The following BLACAT1 variants were observed in gnomAD, a reference collection of about 807,000 sequenced individuals.
BLACAT1 encodes the protein BLACAT1 overlapping LEMD1 locus.
At chr1:205,449,584 G>A (rs904925540) in intron 1 of BLACAT1, among the ~76,000 whole-genome samples, 2 of 152,008 alleles carry the variant, frequency 1.3e-5, no homozygotes, top group Non-Finnish European at 2.9e-5. Flanking sequence ...GCACAGCACA[G>A]CACAGCACAC....
chr1:205,452,787 G>A lies in BLACAT1; in HGVS notation c.-37+3130C>T, dbSNP rs573164395. 7.4e-4 allele frequency among the ~76,000 whole-genome samples: 112 copies of A among 152,270 alleles called. 3 individuals are homozygous for A. The South Asian group carries it at 0.021, about 29-fold the overall frequency. ...GACATTAGGAAGATACTAAATAAAA[G>A]CCACTTGCTTTTACCACCCCACATA... On this transcript the variant is annotated intron_variant, in intron 1 of 1. Transcript: ENST00000629624.
chr1:205,445,908 T>A (rs543695974), intron 1 of BLACAT1, among the ~76,000 whole-genome samples: 2 of 152,276 alleles, frequency 1.3e-5, no homozygotes, highest in East Asian at 3.9e-4. Context: ...GAGTAGGGCT[T>A]AGTAGTCAAA....
chr1:205,438,897 G>A (rs995384008), downstream of BLACAT1, among the ~76,000 whole-genome samples: 4 of 152,160 alleles, frequency 2.6e-5, no homozygotes, highest in African/African-American at 4.8e-5. Context: ...CCTGAGAGGC[G>A]CACAAGGGGA....
At chr1:205,436,896 T>A (rs1284822299), downstream of BLACAT1, 1 of 152,282 alleles carries the variant, frequency 6.6e-6, no homozygotes, top group Non-Finnish European at 1.5e-5. Flanking sequence ...ATCTGATAAG[T>A]GTGCCCTTTA....
chr1:205,444,890 G>A (rs1454804331), intron 1 of BLACAT1, among the ~76,000 whole-genome samples: 4 of 101,406 alleles, frequency 3.9e-5, no homozygotes, highest in East Asian at 2.4e-4. Context: ...TTAACTCCCC[G>A]CCACCCCCCA....
chr1:205,444,491 A>AC (rs1355343543), intron 1 of BLACAT1, among the ~76,000 whole-genome samples: 5 of 148,858 alleles, frequency 3.4e-5, no homozygotes, highest in Non-Finnish European at 7.4e-5. Flanking sequence ...CCTTGGCCTG[A>AC]CCCCCACATC....
intron 1 of BLACAT1, among the ~76,000 whole-genome samples, chr1:205,452,886 T>C (rs988459073): frequency 6.6e-6 from 1 of 152,228 alleles, no homozygotes; most frequent in African/African-American, 2.4e-5. Context: ...GGTATAGGTA[T>C]ACATTCAATG....
chr1:205,452,005 G>A (rs901004696), intron 1 of BLACAT1, among the ~76,000 whole-genome samples: 2 of 152,152 alleles, frequency 1.3e-5, no homozygotes, highest in African/African-American at 4.8e-5. Context: ...AGCACAGGCA[G>A]AACCGGAGGC....
At position 205,441,962 on chromosome 1, in the gene BLACAT1, C is replaced by T. The variant is rs2102466131; in HGVS notation, c.-36-900G>A. Among the ~76,000 whole-genome samples, 1 of 152,322 alleles carries T rather than the reference C, an allele frequency of 6.6e-6. No homozygotes were observed. Among genetic ancestry groups the T allele is most frequent in the East Asian group, 1.9e-4 (1 of 5,168 alleles). ...AAGAGAGGGAGCTTCAGGAGCTCAG[C>T]TTCAGTCTGCAAGAGTATCCCTTTC... On this transcript the variant is annotated intron_variant, in intron 1 of 1. Coordinates refer to ENST00000629624, the Ensembl canonical transcript of BLACAT1. This position sits in a 1 kb window ranked among gnomAD's most constrained non-coding sequence, Gnocchi z 4.3.
At chr1:205,435,072 C>A (rs915963725), downstream of BLACAT1, 5 of 152,148 alleles carry the variant, frequency 3.3e-5, no homozygotes, top group African/African-American at 9.7e-5. Flanking sequence ...TAACCATCCA[C>A]GAGTCAGTTC....
chr1:205,442,806 C>A (rs1323229795), intron 1 of BLACAT1, among the ~76,000 whole-genome samples: 1 of 152,178 alleles, frequency 6.6e-6, no homozygotes, highest in Non-Finnish European at 1.5e-5. Context: ...GATCTATCCC[C>A]TGCAGCTATC....
intron 1 of BLACAT1, among the ~76,000 whole-genome samples, chr1:205,445,294 A>C (rs1312075271): frequency 3.3e-5 from 5 of 152,158 alleles, no homozygotes; most frequent in African/African-American, 1.2e-4. Context: ...GACCGTGTTG[A>C]TAAACAGGCA....
intron 1 of BLACAT1, among the ~76,000 whole-genome samples, chr1:205,455,537 G>A (rs1453299086): frequency 6.6e-6 from 1 of 152,186 alleles, no homozygotes. Context: ...GGGGTATAAA[G>A]GAAACGGAGG....
At chr1:205,438,472 C>T (rs1311882053), downstream of BLACAT1, among the ~76,000 whole-genome samples, 1 of 152,252 alleles carries the variant, frequency 6.6e-6, no homozygotes, top group African/African-American at 2.4e-5. Context: ...CTGCTTTGGC[C>T]TTTCCCTATT....
downstream of BLACAT1, chr1:205,436,031 G>C (rs540385701): frequency 1.3e-5 from 2 of 152,352 alleles, no homozygotes; most frequent in East Asian, 3.9e-4. Flanking sequence ...TGAACAACGG[G>C]ATAAAAATAG....
At chr1:205,439,961 G>A (rs556720428) in exon 2 of BLACAT1, among the ~76,000 whole-genome samples, 17 of 152,198 alleles carry the variant, frequency 1.1e-4, no homozygotes, top group Admixed American at 2.6e-4. Flanking sequence ...GAAGGTTGGC[G>A]GGGGTGGGGG....
rs921561225 is a variant in BLACAT1, at chr1:205,448,078, C to T, written c.-36-7016G>A. Among the ~76,000 whole-genome samples the T allele has an allele frequency of 2.0e-5, 3 of 152,198 alleles. No individual in the cohort carries two copies. The highest frequency in any genetic ancestry group is 7.2e-5 in the African/African-American group (3 of 41,452). On this transcript the variant is annotated intron_variant, in intron 1 of 1. Coordinates refer to ENST00000629624, the Ensembl canonical transcript of BLACAT1. The surrounding 1 kb of genome is among the most constrained non-coding windows in gnomAD (Gnocchi z 4.7). ...GCACACCCTGAAGGTCTCCTTCCTT[C>T]CTCAGAGGGAATCTCCCTCTGGAAT...
downstream of BLACAT1, among the ~76,000 whole-genome samples, chr1:205,438,522 T>A (rs181471778): frequency 6.6e-6 from 1 of 152,214 alleles, no homozygotes; most frequent in African/African-American, 2.4e-5. Context: ...GGCACAGGTG[T>A]CCAGACTGCT....
downstream of BLACAT1, chr1:205,437,042 C>T (rs1666221234): frequency 6.5e-6 from 1 of 152,672 alleles, no homozygotes; most frequent in African/African-American, 2.4e-5. Context: ...TGTGGCTCTC[C>T]ATCCAGAAAC....
Sources: allele counts gnomAD v4.1 joint callset (sites outside exome capture counted in the v4.1 genomes callset), GRCh38; gene constraint gnomAD v4.1.1; non-coding constraint Gnocchi (gnomAD v3.1); transcripts MANE v1.5; gene names NCBI Gene and HGNC (gene_info 2026-07-23, HGNC 2026-07-21).